The following TRDMT1 variants were observed in gnomAD, a reference collection of about 807,000 sequenced individuals.
TRDMT1 encodes tRNA (cytosine(38)-C(5))-methyltransferase.
Under a neutral mutation model 51.2 loss-of-function variants are expected in TRDMT1, and 49 were observed. That is an observed-to-expected ratio of 0.96 (90% confidence interval 0.76 to 1.21). The LOEUF is 1.21. Ranked by LOEUF, TRDMT1 falls within the 50% of genes most tolerant of loss-of-function variation. The pLI, the probability that TRDMT1 is intolerant of heterozygous loss-of-function variation, is 0.00. For missense variants in TRDMT1, 534 were observed against 462.3 expected, an observed-to-expected ratio of 1.16 and a Z score of -1.42; for synonymous variants, 187 against 164.6, an observed-to-expected ratio of 1.14 and a Z score of -1.04.
intron 10 of TRDMT1, chr10:17,151,949 T>C: frequency 8.1e-7 from 1 of 1,239,126 alleles, no homozygotes; most frequent in Non-Finnish European, 1.0e-6. Context: ...TCAGTCTGAC[T>C]CTGGGCTCTG....
At chr10:17,189,628 A>G (rs1389013823) in intron 1 of TRDMT1, among the ~76,000 whole-genome samples, 2 of 152,202 alleles carry the variant, frequency 1.3e-5, no homozygotes, top group African/African-American at 4.8e-5. Context: ...TCCATTCTGA[A>G]GAAGCAGAGA....
chr10:17,187,816 T>C (rs1388926078), intron 1 of TRDMT1, among the ~76,000 whole-genome samples: 2 of 152,120 alleles, frequency 1.3e-5, no homozygotes, highest in East Asian at 1.9e-4. Flanking sequence ...ACATACCCAC[T>C]GTATGTGCCC....
At position 17,153,544 on chromosome 10, in the gene TRDMT1, T is replaced by C. The variant is rs774806916; in HGVS notation, c.1038A>G (p.Lys346=). 4 of 1,613,912 alleles carry C rather than the reference T, an allele frequency of 2.5e-6. No homozygotes were observed. In the African/African-American group the frequency reaches 4.0e-5, roughly 16 times the overall value. ...LILKLRYFTP[K]EIANLLGFPP... is the part of the protein sequence containing the mutation. ...GAAATCCAAGGAGATTTGCTATTTC[T>C]TTAGGAGTGAAATATCGCAGTTTAA... Residue 346 remains lysine (K), a synonymous_variant, in exon 10 of 11, where the codon AAA becomes AAG. Coordinates refer to ENST00000377799, the MANE Select transcript of TRDMT1 (RefSeq NM_004412.7).
At position 17,146,067 on chromosome 10, in the gene TRDMT1, T is replaced by G. The variant is rs576902271; in HGVS notation, c.*2973A>C. ...ATCTCTAACCCCATCCAATTTTACA[T>G]CCCACATGGTAGCAATACAGCCTTT... On this transcript the variant is annotated 3_prime_UTR_variant, in exon 11 of 11. Transcript: ENST00000377799. The G allele has an allele frequency of 2.3e-5, 23 of 985,326 alleles. No individual in the cohort carries two copies. In the South Asian group the frequency reaches 8.9e-4, roughly 38 times the overall value. 61.0% of individuals were successfully genotyped at this position (985,326 alleles called of 1,614,324 possible).
In TRDMT1 at chr10:17,157,864, C is replaced by T. The variant is rs45532438; in HGVS notation, c.544-80G>A. 5,255 of 1,110,810 alleles carry T rather than the reference C, an allele frequency of 4.7e-3. 44 individuals are homozygous for T. Among genetic ancestry groups the T allele is most frequent in the Non-Finnish European group, 4.4e-3 (3,495 of 797,192 alleles). The allele number at this position is 1,110,810 out of a possible 1,614,324, so 68.8% of individuals were successfully genotyped here. A position where few individuals can be genotyped will look rare whatever the true frequency, so the allele number is the denominator to read the frequency against. ...AATTAACAATGTCCAGTCAACATTA[C>T]GAAAACAACCTCATTAGCCTTTATG... On this transcript the variant is annotated intron_variant, in intron 7 of 10. Coordinates refer to ENST00000377799, the MANE Select transcript of TRDMT1 (RefSeq NM_004412.7).
At chr10:17,191,225 C>G (rs1045789782) in intron 1 of TRDMT1, among the ~76,000 whole-genome samples, 16 of 152,188 alleles carry the variant, frequency 1.1e-4, no homozygotes, top group African/African-American at 3.4e-4. Flanking sequence ...GCCTGGGGAC[C>G]CATTCAGGAC....
At position 17,151,728 on chromosome 10, in the gene TRDMT1, G is replaced by C. The variant is rs1193813044; in HGVS notation, c.1075+1779C>G. 5.9e-6 allele frequency: 5 copies of C among 840,980 alleles called. No homozygotes were observed. The African/African-American group carries it at 9.2e-5, about 15-fold the overall frequency. The allele number at this position is 840,980 out of a possible 1,614,324, so 52.1% of individuals were successfully genotyped here. A position where few individuals can be genotyped will look rare whatever the true frequency, so the allele number is the denominator to read the frequency against. On this transcript the variant is annotated intron_variant, in intron 10 of 10. Coordinates refer to ENST00000377799, the MANE Select transcript of TRDMT1 (RefSeq NM_004412.7). ...ATGAGAAAAATATTTATGAAATAAA[G>C]ATTATAAAAGTAAATACATGGCTCA...
intron 1 of TRDMT1, among the ~76,000 whole-genome samples, chr10:17,178,138 G>T (rs895623681): frequency 3.9e-5 from 6 of 152,082 alleles, no homozygotes; most frequent in Non-Finnish European, 8.8e-5. Flanking sequence ...TCATATAGGT[G>T]AGTAACTACT....
At chr10:17,178,693 A>AAG (rs1267892827) in intron 1 of TRDMT1, among the ~76,000 whole-genome samples, 1 of 152,038 alleles carries the variant, frequency 6.6e-6, no homozygotes, top group Non-Finnish European at 1.5e-5. Context: ...AAAAAAAAAA[A>AAG]AAAGTTCTTG....
intron 10 of TRDMT1, chr10:17,151,022 C>A: frequency 1.1e-6 from 1 of 947,068 alleles, no homozygotes; most frequent in Non-Finnish European, 1.3e-6. Flanking sequence ...TGTGTGTGTG[C>A]GTGCATCTGT....
intron 10 of TRDMT1, chr10:17,151,753 A>C: frequency 2.4e-6 from 2 of 819,058 alleles, no homozygotes; most frequent in Non-Finnish European, 3.0e-6. Flanking sequence ...TACATGGCTC[A>C]TTCTAAAAAT....
In TRDMT1 at chr10:17,144,430, A is replaced by C; in HGVS notation, c.*4610T>G. On this transcript the variant is annotated 3_prime_UTR_variant, in exon 11 of 11. Coordinates refer to ENST00000377799, the MANE Select transcript of TRDMT1 (RefSeq NM_004412.7). ...TGGGAGAACTCAGTTCCTATCTTGT[A>C]ATTTTTGTGAAAATTTCCGGTCTCA... is the stretch of plus-strand genomic sequence containing the variant. 1 of 985,596 alleles carries C rather than the reference A, an allele frequency of 1.0e-6. No homozygotes were observed. The highest frequency in any genetic ancestry group is 1.2e-6 in the Non-Finnish European group (1 of 829,918). 61.1% of individuals were successfully genotyped at this position (985,596 alleles called of 1,614,324 possible). A position where few individuals can be genotyped will look rare whatever the true frequency, so the allele number is the denominator to read the frequency against.
At chr10:17,184,603 C>T (rs1429539761) in intron 1 of TRDMT1, among the ~76,000 whole-genome samples, 2 of 151,968 alleles carry the variant, frequency 1.3e-5, no homozygotes, top group Non-Finnish European at 2.9e-5. Flanking sequence ...ATTTCAAATC[C>T]TATCCTGCAA....
intron 8 of TRDMT1, among the ~76,000 whole-genome samples, chr10:17,156,965 T>G (rs1167937858): frequency 6.6e-6 from 1 of 152,210 alleles, no homozygotes; most frequent in Non-Finnish European, 1.5e-5. Context: ...TTGGAAACCT[T>G]GGGCATATAT....
rs1279130174 is a variant in TRDMT1 at position 17,168,833 on chromosome 10, A to G, written c.251+8T>C. 2 of 1,595,046 alleles carry G rather than the reference A, an allele frequency of 1.3e-6. No homozygotes were observed. The highest frequency in any genetic ancestry group is 1.3e-5 in the African/African-American group (1 of 74,402). ...CCAATACAACACTGAAATATTTATG[A>G]CACATACCTTGTGAATGGCTGGCAG... On this transcript the variant is annotated splice_region_variant and intron_variant, in intron 3 of 10. Transcript: ENST00000377799.
In TRDMT1 at chr10:17,147,971, T is replaced by A; in HGVS notation, c.*1069A>T. The A allele has an allele frequency of 1.0e-6, 1 of 982,712 alleles. No homozygotes were observed. Among genetic ancestry groups the A allele is most frequent in the Non-Finnish European group, 1.2e-6 (1 of 827,422 alleles). 60.9% of individuals were successfully genotyped at this position (982,712 alleles called of 1,614,324 possible). A position where few individuals can be genotyped will look rare whatever the true frequency, so the allele number is the denominator to read the frequency against. ...TCCAATTTATCCACCTCTAAATAGC[T>A]GATTTTTAAGAAGAAAAATTTGAAT... On this transcript the variant is annotated 3_prime_UTR_variant, in exon 11 of 11. Transcript: ENST00000377799.
chr10:17,200,164 A>G (rs1032874888), intron 1 of TRDMT1, among the ~76,000 whole-genome samples: 2 of 152,242 alleles, frequency 1.3e-5, no homozygotes, highest in Non-Finnish European at 2.9e-5. Context: ...AATCGGCATT[A>G]TGCTCAAGAA....
intron 1 of TRDMT1, among the ~76,000 whole-genome samples, chr10:17,188,721 A>G (rs1173980889): frequency 6.6e-6 from 1 of 152,184 alleles, no homozygotes; most frequent in African/African-American, 2.4e-5. Context: ...GGACACACCA[A>G]CTTTCCTTCA....
At chr10:17,156,571 T>C (rs1310213268) in intron 8 of TRDMT1, among the ~76,000 whole-genome samples, 2 of 152,108 alleles carry the variant, frequency 1.3e-5, no homozygotes, top group Non-Finnish European at 2.9e-5. Context: ...TTCCCCTTTC[T>C]AGGTTTAAAA....
Sources: gnomAD v4.1 joint callset for allele counts (sites outside exome capture counted in the v4.1 genomes callset) on GRCh38, gnomAD v4.1.1 for gene constraint, MANE v1.5 for transcripts, NCBI Gene and HGNC (gene_info 2026-07-23, HGNC 2026-07-21) for gene names.